Variants in RSRC2 observed in about 807,000 individuals in gnomAD.
The protein encoded by RSRC2 is arginine/serine-rich coiled-coil protein 2.
RSRC2 carries 5 observed loss-of-function variants against 61.3 expected under a neutral mutation model. That is an observed-to-expected ratio of 0.08 (90% CI 0.04 to 0.17). The LOEUF (loss-of-function observed/expected upper bound fraction) is 0.17. RSRC2 is among the 10% of genes least tolerant of loss of function. RSRC2 has a pLI of 1.00. For synonymous variants in RSRC2, 202 were observed against 166.5 expected (o/e 1.21, Z -1.64); for missense variants, 381 against 518.8 (o/e 0.73, Z 2.58).
Position 122,518,776 on chromosome 12 carries a change from G to C in RSRC2, c.398+63C>G, listed in dbSNP as rs986924889. 5 of 1,298,538 alleles carry C rather than the reference G, an allele frequency of 3.9e-6. No individual in the cohort carries two copies. In the African/African-American group the frequency reaches 7.4e-5, roughly 19 times the overall value. 80.4% of individuals were successfully genotyped at this position (1,298,538 alleles called of 1,614,324 possible). A position where few individuals can be genotyped will look rare whatever the true frequency, so the allele number is the denominator to read the frequency against. ...ATTATGATTTTTTTGGGTGTTGCTG[G>C]GTCAATGAGAAACTTTATGTAACTT... On this transcript the variant is annotated intron_variant, in intron 4 of 9. Transcript: ENST00000331738.
At chr12:122,515,272 A>T (rs1045795603) in intron 5 of RSRC2, 45 bp from the exon 6 acceptor site, 1 of 1,580,078 alleles carries the variant, frequency 6.3e-7, no homozygotes, top group Non-Finnish European at 8.6e-7. Flanking sequence ...GCCAAGTCAT[A>T]ACTATTTTGT....
rs1207152019 is a variant in RSRC2 at position 122,519,049 on chromosome 12, G to T, written c.208-20C>A. The T allele has an allele frequency of 2.5e-6, 4 of 1,607,668 alleles. No homozygotes were observed. The Admixed American group carries it at 6.7e-5, about 27-fold the overall frequency. On this transcript the variant is annotated intron_variant, in intron 3 of 9. Transcript: ENST00000331738. ...TCTTCCCTGTTTTAAGAAGAAGTTG[G>T]TTCTTTCAGGAAAATAGTGCAACAA...
At position 122,506,852 on chromosome 12, in the gene RSRC2, C is replaced by T. The variant is rs1405661867; in HGVS notation, c.1107G>A (p.Arg369=). 2 of 1,605,376 alleles carry T rather than the reference C, an allele frequency of 1.2e-6. No homozygotes were observed. The highest frequency in any genetic ancestry group is 2.7e-5 in the African/African-American group (2 of 74,694). Residue 369 remains arginine, a synonymous_variant, in exon 9 of 10, where the codon AGG becomes AGA. Transcript: ENST00000331738. ...FGNKDQNVKF[R]KLMGIKSEDE... ...AACTCACCTTAATACCCATCAATTT[C>T]CTAAATTTGACATTTTGGTCCTTGT...
At chr12:122,526,616 A>T (rs972265373) in intron 1 of RSRC2, among the ~76,000 whole-genome samples, 3 of 152,052 alleles carry the variant, frequency 2.0e-5, no homozygotes, top group African/African-American at 7.2e-5. Context: ...TGGGGAAGAG[A>T]GGAGGAAAGT....
chr12:122,510,594 C>G (rs1266458620), intron 7 of RSRC2, among the ~76,000 whole-genome samples: 1 of 152,186 alleles, frequency 6.6e-6, no homozygotes, highest in Non-Finnish European at 1.5e-5. Flanking sequence ...ACTAATTTAT[C>G]AACAAAAATT....
At chr12:122,521,541 TA>T (rs1281222800) in intron 2 of RSRC2, 113 bp from the exon 3 acceptor site, 5 of 846,620 alleles carry the variant, frequency 5.9e-6, no homozygotes, top group Non-Finnish European at 9.9e-6. Context: ...TTCCAATGAC[TA>T]ATTTTTTCAT....
chr12:122,521,525 G>T lies in RSRC2; in HGVS notation c.164-97C>A, dbSNP rs1015308163. 113 of 1,011,184 alleles carry T rather than the reference G, an allele frequency of 1.1e-4. No individual in the cohort carries two copies. The African/African-American group carries it at 1.6e-3, about 15-fold the overall frequency. 62.6% of individuals were successfully genotyped at this position (1,011,184 alleles called of 1,614,324 possible). A position where few individuals can be genotyped will look rare whatever the true frequency, so the allele number is the denominator to read the frequency against. ...TGCTGGAGAAAAATGACTCCCATTA[G>T]TCTTCTTCCAATGACTAATTTTTTC... is the stretch of plus-strand genomic sequence containing the variant. On this transcript the variant is annotated intron_variant, in intron 2 of 9. Transcript: ENST00000331738.
chr12:122,507,859 T>TA, intron 8 of RSRC2: 10 of 270,000 alleles, frequency 3.7e-5, no homozygotes, highest in East Asian at 1.8e-4. Context: ...CTAAGTGGCA[T>TA]GATCTTGGCT....
At chr12:122,518,802 G>C (rs754655566) in intron 4 of RSRC2, 37 bp downstream of exon 4, 13 of 1,506,312 alleles carry the variant, frequency 8.6e-6, no homozygotes, top group South Asian at 1.1e-5. Flanking sequence ...TATGTAACTT[G>C]TTAGAAGGTA....
At chr12:122,513,390 C>A (rs1958678953) in intron 6 of RSRC2, among the ~76,000 whole-genome samples, 1 of 151,796 alleles carries the variant, frequency 6.6e-6, no homozygotes, top group African/African-American at 2.4e-5. Flanking sequence ...AAAAAATTCT[C>A]CAGATTTCAA....
intron 1 of RSRC2, 72 bp downstream of exon 1, chr12:122,526,776 G>C: frequency 7.1e-6 from 11 of 1,560,254 alleles, no homozygotes; most frequent in Non-Finnish European, 8.0e-6. Context: ...ACAAGGTTCT[G>C]GGAGCCGTTC....
rs187604586 is a variant in RSRC2, at chr12:122,519,620, T to C, written c.208-591A>G. On this transcript the variant is annotated intron_variant, in intron 3 of 9. Coordinates refer to ENST00000331738, the MANE Select transcript of RSRC2 (RefSeq NM_023012.6). ...AACTGTGAAGCAATCACTTTTCATC[T>C]TGCAGTATCCCAATAGGCTTAGAGG... is the stretch of plus-strand genomic sequence containing the variant. The C allele has an allele frequency of 1.9e-5, 3 of 154,016 alleles. No homozygotes were observed. In the East Asian group the frequency reaches 5.7e-4, roughly 29 times the overall value. 9.5% of individuals were successfully genotyped at this position (154,016 alleles called of 1,614,324 possible).
chr12:122,511,058 A>C, intron 7 of RSRC2, 51 bp downstream of exon 7: 2 of 1,371,966 alleles, frequency 1.5e-6, no homozygotes, highest in Non-Finnish European at 2.0e-6. Flanking sequence ...AAAACAAAAA[A>C]GCTTGAAAGA....
chr12:122,525,050 A>T (rs1350756511), intron 1 of RSRC2, among the ~76,000 whole-genome samples: 1 of 152,184 alleles, frequency 6.6e-6, no homozygotes, highest in Non-Finnish European at 1.5e-5. Flanking sequence ...AAGGCACGGC[A>T]TAAATAAATG....
intron 4 of RSRC2, among the ~76,000 whole-genome samples, 197 bp from the exon 5 acceptor site, chr12:122,517,627 T>C (rs930224510): frequency 2.0e-5 from 3 of 152,202 alleles, no homozygotes; most frequent in African/African-American, 7.2e-5. Flanking sequence ...TAATTTGTCC[T>C]AGAACATAGT....
At chr12:122,510,060 G>A (rs1442628332) in intron 7 of RSRC2, among the ~76,000 whole-genome samples, 1 of 152,140 alleles carries the variant, frequency 6.6e-6, no homozygotes, top group East Asian at 1.9e-4. Flanking sequence ...GACCTCAGGT[G>A]ACCCACCTGC....
At chr12:122,517,629 G>A (rs1959038145) in intron 4 of RSRC2, among the ~76,000 whole-genome samples, 199 bp from the exon 5 acceptor site, 1 of 152,072 alleles carries the variant, frequency 6.6e-6, no homozygotes, top group Non-Finnish European at 1.5e-5. Context: ...ATTTGTCCTA[G>A]AACATAGTAA....
chr12:122,518,388 T>C (rs969419897), intron 4 of RSRC2, among the ~76,000 whole-genome samples: 3 of 151,324 alleles, frequency 2.0e-5, no homozygotes, highest in African/African-American at 7.3e-5. Context: ...AGGTCAGGAG[T>C]TCGAGACCAG....
At chr12:122,505,740 C>T (rs753120066) in intron 9 of RSRC2, 34 bp from the exon 10 acceptor site, 1 of 1,549,940 alleles carries the variant, frequency 6.5e-7, no homozygotes. Context: ...ACAATGAATT[C>T]AGATGGAGAT....
Sources: allele counts gnomAD v4.1 joint callset (sites outside exome capture counted in the v4.1 genomes callset), GRCh38; gene constraint gnomAD v4.1.1; transcripts MANE v1.5; gene names NCBI Gene and HGNC (gene_info 2026-07-23, HGNC 2026-07-21).